Variants in CCDC148 observed in about 807,000 individuals in gnomAD.
CCDC148 encodes the protein coiled-coil domain-containing protein 148.
CCDC148 carries 89 observed loss-of-function variants against 85.7 expected under a neutral mutation model. That is an observed-to-expected ratio of 1.04 (90% CI 0.87 to 1.24). The LOEUF (loss-of-function observed/expected upper bound fraction) is 1.24, where lower values mean the gene tolerates loss of function less well. Among genes scored for constraint, CCDC148 ranks in the 50% most tolerant of loss-of-function variants. CCDC148 has a pLI of 0.00. For synonymous variants in CCDC148, 230 were observed against 213.9 expected, an observed-to-expected ratio of 1.08 and a Z score of -0.66; for missense variants, 692 against 671.7, an observed-to-expected ratio of 1.03 and a Z score of -0.33.
intron 11 of CCDC148, among the ~76,000 whole-genome samples, chr2:158,197,561 C>T (rs1685739277): frequency 1.3e-5 from 2 of 152,142 alleles, no homozygotes; most frequent in Admixed American, 6.5e-5. Context: ...CTGTCTAAAA[C>T]CCCATTTCTG....
intron 2 of CCDC148, among the ~76,000 whole-genome samples, chr2:158,348,942 CACACAATGTACCAAA>C (rs539397511): frequency 6.6e-6 from 1 of 152,120 alleles, no homozygotes. Context: ...TGTACAGTTA[CACACAATGTACCAAA>C]ATTGGTCTCA....
chr2:158,410,736 A>G (rs1175228803), intron 1 of CCDC148, among the ~76,000 whole-genome samples: 1 of 152,136 alleles, frequency 6.6e-6, no homozygotes, highest in Non-Finnish European at 1.5e-5. Flanking sequence ...TAGGGTTAAA[A>G]TTTACACACT....
intron 2 of CCDC148, among the ~76,000 whole-genome samples, chr2:158,347,227 C>G (rs1683037433): frequency 1.3e-5 from 2 of 151,538 alleles, no homozygotes; most frequent in Admixed American, 1.3e-4. Flanking sequence ...ACATATTGTA[C>G]AAAAAAATTA....
chr2:158,324,768 C>A (rs2105224550), intron 7 of CCDC148, among the ~76,000 whole-genome samples: 1 of 152,186 alleles, frequency 6.6e-6, no homozygotes, highest in Non-Finnish European at 1.5e-5. Context: ...TTTAAATTTT[C>A]ATTGCTTTGA....
intron 1 of CCDC148, chr2:158,425,363 A>G (rs75793996): frequency 0.049 from 22,782 of 467,998 alleles, 721 homozygotes; most frequent in Non-Finnish European, 0.063. Context: ...TTGCAGGATG[A>G]CATTGAAGAC....
chr2:158,258,333 A>G (rs1266342677), intron 9 of CCDC148, among the ~76,000 whole-genome samples: 1 of 151,782 alleles, frequency 6.6e-6, no homozygotes, highest in Non-Finnish European at 1.5e-5. Flanking sequence ...GATAATAAAG[A>G]CCAACGTTTT....
At chr2:158,271,866 C>T (rs145410853) in intron 9 of CCDC148, among the ~76,000 whole-genome samples, 1 of 152,212 alleles carries the variant, frequency 6.6e-6, no homozygotes, top group East Asian at 1.9e-4. Flanking sequence ...ATTTAAACAA[C>T]ATGCCTTAAA....
rs557499124 is a variant in CCDC148 at position 158,309,423 on chromosome 2, A to G, written c.1110+10T>C. 6.2e-7 allele frequency: 1 copy of G among 1,607,346 alleles called. No homozygotes were observed. The highest frequency in any genetic ancestry group is 1.3e-5 in the African/African-American group (1 of 74,880). On this transcript the variant is annotated intron_variant, in intron 9 of 13. Transcript: ENST00000283233. ...CAGACAAATACTGAAACACCTGTGCAGCATCTTACCTTGGCTTTCAGATCA... is the reference window on the plus strand; with the variant it reads ...CAGACAAATACTGAAACACCTGTGCGGCATCTTACCTTGGCTTTCAGATCA...
chr2:158,219,256 T>C (rs1395075356), intron 11 of CCDC148, among the ~76,000 whole-genome samples: 6 of 152,218 alleles, frequency 3.9e-5, no homozygotes, highest in Admixed American at 1.3e-4. Flanking sequence ...CTATGATTTA[T>C]GTTATGAAAT....
intron 2 of CCDC148, among the ~76,000 whole-genome samples, chr2:158,354,604 A>G (rs1683519597): frequency 1.3e-5 from 2 of 152,206 alleles, no homozygotes; most frequent in African/African-American, 4.8e-5. Context: ...CCAACCAAAA[A>G]GAGTCCAGGA....
chr2:158,309,430 T>A lies in CCDC148; in HGVS notation c.1110+3A>T. ...ATACTGAAACACCTGTGCAGCATCT[T>A]ACCTTGGCTTTCAGATCAGCACACA... On this transcript the variant is annotated splice_donor_region_variant and intron_variant, in intron 9 of 13. Coordinates refer to ENST00000283233, the MANE Select transcript of CCDC148 (RefSeq NM_138803.4). The A allele has an allele frequency of 1.9e-6, 3 of 1,611,858 alleles. No individual in the cohort carries two copies. The highest frequency in any genetic ancestry group is 1.7e-6 in the Non-Finnish European group (2 of 1,178,246).
chr2:158,245,447 C>A (rs1688530297), intron 10 of CCDC148, among the ~76,000 whole-genome samples: 1 of 152,160 alleles, frequency 6.6e-6, no homozygotes, highest in Non-Finnish European at 1.5e-5. Context: ...GAAAATGCTC[C>A]CCACTCCTCA....
At chr2:158,198,297 A>G (rs898817461) in intron 11 of CCDC148, among the ~76,000 whole-genome samples, 11 of 152,122 alleles carry the variant, frequency 7.2e-5, no homozygotes, top group Non-Finnish European at 1.3e-4. Context: ...GGTTCTTGAA[A>G]ACAGGGACAG....
At chr2:158,271,674 C>T (rs1005803472) in intron 9 of CCDC148, among the ~76,000 whole-genome samples, 11 of 152,036 alleles carry the variant, frequency 7.2e-5, no homozygotes, top group African/African-American at 2.7e-4. Flanking sequence ...CTTACTGTGC[C>T]TGATTTATAA....
At chr2:158,203,513 C>A (rs1426873175) in intron 11 of CCDC148, among the ~76,000 whole-genome samples, 1 of 151,988 alleles carries the variant, frequency 6.6e-6, no homozygotes, top group Non-Finnish European at 1.5e-5. Context: ...CCAAAAAGAA[C>A]TCACAAAACA....
At position 158,371,839 on chromosome 2, in the gene CCDC148, A is replaced by G. The variant is rs111330188; in HGVS notation, c.26-13269T>C. Reference sequence around the variant, plus strand: ...TAATCAGAAAAATAAAATCTATCAAATCTCTGCCCTCTTTATAATTCATAT... The same window carrying G: ...TAATCAGAAAAATAAAATCTATCAAGTCTCTGCCCTCTTTATAATTCATAT... On this transcript the variant is annotated intron_variant, in intron 1 of 13. Transcript: ENST00000283233. Among the ~76,000 whole-genome samples the G allele has an allele frequency of 6.1e-3, 930 of 152,038 alleles. 10 individuals carry two copies. Among genetic ancestry groups the G allele is most frequent in the African/African-American group, 0.021 (879 of 41,498 alleles).
chr2:158,347,774 C>T (rs574843384), intron 2 of CCDC148, among the ~76,000 whole-genome samples: 1 of 151,978 alleles, frequency 6.6e-6, no homozygotes, highest in Non-Finnish European at 1.5e-5. Context: ...TTGAGACAGA[C>T]GTCAATAACT....
chr2:158,414,612 T>C (rs1401070292), intron 1 of CCDC148, among the ~76,000 whole-genome samples: 2 of 152,102 alleles, frequency 1.3e-5, no homozygotes, highest in East Asian at 1.9e-4. Flanking sequence ...CTAGGCACTA[T>C]ATGAGGAGCT....
intron 13 of CCDC148, 120 bp downstream of exon 13, chr2:158,176,401 G>T: frequency 2.2e-6 from 2 of 911,592 alleles, no homozygotes; most frequent in Non-Finnish European, 3.2e-6. Context: ...TAAAAATTAT[G>T]CTAATATGTA....
Sources: allele counts gnomAD v4.1 joint callset (sites outside exome capture counted in the v4.1 genomes callset), GRCh38; gene constraint gnomAD v4.1.1; transcripts MANE v1.5; gene names NCBI Gene and HGNC (gene_info 2026-07-23, HGNC 2026-07-21).